Variants in EFCC1 observed in about 807,000 individuals in gnomAD.
The protein encoded by EFCC1 is EF-hand and coiled-coil domain-containing protein 1.
In EFCC1, 50 loss-of-function variants were observed where a neutral mutation model predicts 52.1. The observed-to-expected ratio is 0.96, with a 90% CI of 0.76 to 1.21. The LOEUF (loss-of-function observed/expected upper bound fraction) is 1.21, where lower values mean the gene tolerates loss of function less well. Ranked by LOEUF, EFCC1 falls within the 50% of genes most tolerant of loss-of-function variation. The probability of loss-of-function intolerance (pLI) is 0.00; values close to 1 mark genes in which losing one functional copy is unlikely to be tolerated. For synonymous variants in EFCC1, 399 were observed against 396.5 expected, an observed-to-expected ratio of 1.01 and a Z score of -0.08; for missense variants, 837 against 867.3, an observed-to-expected ratio of 0.97 and a Z score of 0.44.
At position 129,017,110 on chromosome 3, in the gene EFCC1, G is replaced by A. The variant is rs530607298; in HGVS notation, c.980+13033G>A. On this transcript the variant is annotated intron_variant, in intron 2 of 7. Transcript: ENST00000683648. ...CCTCAGGCATCACTGCCATATCCAC[G>A]GGTCCTCCTGGCAGACTTCCCCTCA... Among the ~76,000 whole-genome samples the A allele has an allele frequency of 3.3e-5, 5 of 152,284 alleles. No individual in the cohort carries two copies. The East Asian group carries it at 9.6e-4, about 29-fold the overall frequency.
intron 2 of EFCC1, among the ~76,000 whole-genome samples, chr3:129,005,399 G>A (rs769569281): frequency 5.9e-5 from 9 of 152,246 alleles, no homozygotes; most frequent in Non-Finnish European, 1.2e-4. Context: ...ACTAAAAGGA[G>A]GCCAGAGTGG....
intron 6 of EFCC1, 44 bp downstream of exon 6, chr3:129,037,161 G>A (rs371474204): frequency 3.2e-6 from 5 of 1,552,804 alleles, no homozygotes; most frequent in Non-Finnish European, 4.3e-6. Flanking sequence ...AGGGAAAGGA[G>A]CTCTTGGGAG....
chr3:129,002,164 C>CGCG lies in EFCC1; in HGVS notation c.537_539dup (p.Arg184dup). ...GAGACGCAGATCCGCCTGCGCCGTCCGCGCCGCCGCCGCCGCCCGCCCTGC... is the reference window on the plus strand; with the variant it reads ...GAGACGCAGATCCGCCTGCGCCGTCCGCGGCGCCGCCGCCGCCGCCCGCCCTGC... On this transcript the variant is annotated inframe_insertion, in exon 1 of 8. Transcript: ENST00000683648. 9 of 1,472,192 alleles carry CGCG rather than the reference C, an allele frequency of 6.1e-6. No homozygotes were observed. Among genetic ancestry groups the CGCG allele is most frequent in the Non-Finnish European group, 8.0e-6 (9 of 1,122,566 alleles). 91.2% of individuals were successfully genotyped at this position (1,472,192 alleles called of 1,614,324 possible).
chr3:129,027,497 GC>G (rs1946158736), intron 2 of EFCC1, among the ~76,000 whole-genome samples: 1 of 152,162 alleles, frequency 6.6e-6, no homozygotes, highest in Non-Finnish European at 1.5e-5. Context: ...GCCGCGGGAG[GC>G]TCCCTGCCTG....
rs1238732525 is a variant in EFCC1 at position 129,014,327 on chromosome 3, G to C, written c.980+10250G>C. Among the ~76,000 whole-genome samples the C allele has an allele frequency of 6.6e-6, 1 of 152,216 alleles. No homozygotes were observed. Among genetic ancestry groups the C allele is most frequent in the Non-Finnish European group, 1.5e-5 (1 of 68,046 alleles). On this transcript the variant is annotated intron_variant, in intron 2 of 7. Transcript: ENST00000683648. The surrounding 1 kb of genome is among the most constrained non-coding windows in gnomAD (Gnocchi z 4.3). ...TGCTGTGACAAGCCCCACAGACCAGGAGCTTCAACAACAGGCATTTGTCTC... is the reference window on the plus strand; with the variant it reads ...TGCTGTGACAAGCCCCACAGACCAGCAGCTTCAACAACAGGCATTTGTCTC...
chr3:129,003,874 G>A lies in EFCC1; in HGVS notation c.777G>A (p.Gln259=), dbSNP rs1009875461. Residue 259 remains glutamine, a synonymous_variant, in exon 2 of 8, where the codon CAG becomes CAA. Transcript: ENST00000683648. ...AGGCTGCGGTGCGGGAGCTGCGTCA[G>A]GCGCAGGGCGCCCTGGCTGCGGCGG... ...GPEAAVRELR[Q]AQGALAAAEA... 91 of 1,414,594 alleles carry A rather than the reference G, an allele frequency of 6.4e-5. No individual in the cohort carries two copies. Among genetic ancestry groups the A allele is most frequent in the Non-Finnish European group, 7.9e-5 (86 of 1,086,144 alleles). 87.6% of individuals were successfully genotyped at this position (1,414,594 alleles called of 1,614,324 possible). A position where few individuals can be genotyped will look rare whatever the true frequency, so the allele number is the denominator to read the frequency against.
intron 2 of EFCC1, among the ~76,000 whole-genome samples, chr3:129,022,745 G>A (rs541346016): frequency 1.2e-4 from 19 of 152,350 alleles, no homozygotes; most frequent in Non-Finnish European, 7.3e-5. Flanking sequence ...AGTAATGCCT[G>A]TTGAGTGACA....
intron 2 of EFCC1, among the ~76,000 whole-genome samples, chr3:129,017,181 T>A (rs965167922): frequency 6.6e-6 from 1 of 152,202 alleles, no homozygotes; most frequent in Non-Finnish European, 1.5e-5. Context: ...TCTAAACCAA[T>A]CTGAAGGAAG....
At chr3:129,003,688 A>T (rs1944912258) in intron 1 of EFCC1, 106 bp from the exon 2 acceptor site, 1 of 1,087,526 alleles carries the variant, frequency 9.2e-7, no homozygotes, top group Admixed American at 4.7e-5. Context: ...AAACGTGCTC[A>T]AGCGCTTCTG....
intron 2 of EFCC1, among the ~76,000 whole-genome samples, chr3:129,016,590 T>C (rs1183515099): frequency 1.3e-5 from 2 of 151,912 alleles, no homozygotes; most frequent in Admixed American, 6.5e-5. Context: ...CAGACTCATT[T>C]AGCCAGCCCC....
intron 7 of EFCC1, 43 bp from the exon 8 acceptor site, chr3:129,039,669 G>A (rs780096701): frequency 7.8e-6 from 12 of 1,547,872 alleles, no homozygotes; most frequent in Non-Finnish European, 1.1e-5. Flanking sequence ...GGGTGAAGGT[G>A]AGCAGACTGA....
At chr3:129,031,924 G>A (rs2107936007) in intron 3 of EFCC1, among the ~76,000 whole-genome samples, 1 of 152,316 alleles carries the variant, frequency 6.6e-6, no homozygotes, top group East Asian at 1.9e-4. Context: ...AGAGGAGGCT[G>A]CACTCAGCCT....
intron 2 of EFCC1, among the ~76,000 whole-genome samples, chr3:129,023,623 C>T (rs1436311910): frequency 5.3e-5 from 8 of 152,158 alleles, no homozygotes; most frequent in South Asian, 4.1e-4. Flanking sequence ...TGAGCCACCG[C>T]GCCTGGCCAC....
chr3:129,023,719 A>G (rs1945971561), intron 2 of EFCC1, among the ~76,000 whole-genome samples: 1 of 152,234 alleles, frequency 6.6e-6, no homozygotes, highest in Non-Finnish European at 1.5e-5. Context: ...TTACCACTAC[A>G]TAAAATATGT....
rs1468974153 is a variant in EFCC1 at position 129,032,658 on chromosome 3, TG to T, written c.1139-159del. The stretch of plus-strand genomic sequence containing the variant: ...TACAAGGAGACAGAACCAGCCTTGG[TG>T]GCCTCACTGCACAGGAGCCTGGGAT... On this transcript the variant is annotated intron_variant, in intron 3 of 7. Coordinates refer to ENST00000683648, the MANE Select transcript of EFCC1 (RefSeq NM_001377500.1). 2.6e-5 allele frequency among the ~76,000 whole-genome samples: 4 copies of T among 152,300 alleles called. No individual in the cohort carries two copies. In the East Asian group the frequency reaches 7.7e-4, roughly 29 times the overall value.
chr3:129,002,486 G>A lies in EFCC1; in HGVS notation c.696+162G>A. On this transcript the variant is annotated intron_variant, in intron 1 of 7. Coordinates refer to ENST00000683648, the MANE Select transcript of EFCC1 (RefSeq NM_001377500.1). ...ATCAGCACACTTGCATCTTGCCCCT[G>A]TTCCTCCCCATTCCACTCCAGTCCC... is the stretch of plus-strand genomic sequence containing the variant. 6 of 1,326,498 alleles carry A rather than the reference G, an allele frequency of 4.5e-6. No individual in the cohort carries two copies. In the South Asian group the frequency reaches 8.5e-5, roughly 19 times the overall value. The allele number at this position is 1,326,498 out of a possible 1,614,324, so 82.2% of individuals were successfully genotyped here.
At chr3:129,026,519 T>C (rs185089830) in intron 2 of EFCC1, among the ~76,000 whole-genome samples, 4 of 152,306 alleles carry the variant, frequency 2.6e-5, no homozygotes, top group Non-Finnish European at 4.4e-5. Context: ...CCATCATTCT[T>C]CATCAGCAGT....
At chr3:129,016,256 G>C (rs1945577340) in intron 2 of EFCC1, among the ~76,000 whole-genome samples, 1 of 152,130 alleles carries the variant, frequency 6.6e-6, no homozygotes, top group African/African-American at 2.4e-5. Context: ...TTGACTTTAG[G>C]TAAGGGACAT....
chr3:129,034,425 C>T (rs572733303), intron 5 of EFCC1, 96 bp downstream of exon 5: 1 of 1,371,876 alleles, frequency 7.3e-7, no homozygotes, highest in East Asian at 2.4e-5. Flanking sequence ...GTGCCTCATT[C>T]CCAGATGAGT....
Sources: allele counts gnomAD v4.1 joint callset (sites outside exome capture counted in the v4.1 genomes callset), GRCh38; gene constraint gnomAD v4.1.1; non-coding constraint Gnocchi (gnomAD v3.1); transcripts MANE v1.5; gene names NCBI Gene and HGNC (gene_info 2026-07-23, HGNC 2026-07-21).